MASTL: variants seen among roughly 807,000 people sequenced by gnomAD.
MASTL encodes the protein serine/threonine-protein kinase greatwall.
A neutral mutation model predicts 82.5 loss-of-function variants in MASTL; 54 were observed. That is an observed-to-expected ratio of 0.65 (90% CI 0.53 to 0.82). The LOEUF (loss-of-function observed/expected upper bound fraction) is 0.82. MASTL is among the 40% of genes least tolerant of loss of function. The pLI is 0.00. For missense variants in MASTL, 950 were observed against 1,047.8 expected (o/e 0.91, Z 1.29); for synonymous variants, 323 against 368.9 (o/e 0.88, Z 1.43).
Position 27,170,917 on chromosome 10 carries a change from T to C in MASTL, c.1958T>C (p.Val653Ala). 1.2e-6 allele frequency: 2 copies of C among 1,614,192 alleles called. No homozygotes were observed. Among genetic ancestry groups the C allele is most frequent in the South Asian group, 2.2e-5 (2 of 91,090 alleles). The change falls in exon 8 of 12, where the codon GTT becomes GCT. Residue 653 changes from valine (V) to alanine (A), a missense_variant. Transcript: ENST00000375940. ...LKTLASKRNA[V>A]AFRSFNSHIN... is the part of the protein sequence containing the mutation. ...ACGTTAGCCTCTAAAAGAAATGCTGTTGCTTTTCGAAGTTTTAACAGTCAT... is the reference window on the plus strand; with the variant it reads ...ACGTTAGCCTCTAAAAGAAATGCTGCTGCTTTTCGAAGTTTTAACAGTCAT...
rs1373731647 is a variant in MASTL, at chr10:27,187,634, C to T, written c.*1098C>T. On this transcript the variant is annotated 3_prime_UTR_variant, in exon 12 of 12. Transcript: ENST00000375940. ...AGGTATGGTGACGCACACCTGTAGT[C>T]CCAGCTACTTGGGAGGCTGAGGCAT... Among the ~76,000 whole-genome samples, 1 of 151,930 alleles carries T rather than the reference C, an allele frequency of 6.6e-6. No individual in the cohort carries two copies. Among genetic ancestry groups the T allele is most frequent in the Non-Finnish European group, 1.5e-5 (1 of 67,990 alleles).
chr10:27,173,219 A>G lies in MASTL; in HGVS notation c.2226A>G (p.Pro742=). The G allele has an allele frequency of 1.9e-6, 3 of 1,614,190 alleles. No individual in the cohort carries two copies. Among genetic ancestry groups the G allele is most frequent in the Non-Finnish European group, 2.5e-6 (3 of 1,180,034 alleles). ...PVDDGRILGT[P]DYLAPELLLG... ...ATGATGGGCGAATTCTAGGAACCCC[A>G]GACTACCTTGCACCTGAGCTGTTAC... The change falls in exon 9 of 12, where the codon CCA becomes CCG. Residue 742 remains proline (P), a synonymous_variant. Coordinates refer to ENST00000375940, the MANE Select transcript of MASTL (RefSeq NM_001172303.3).
rs947040196 is a variant in MASTL at position 27,171,006 on chromosome 10, A to G, written c.2047A>G (p.Ile683Val). The G allele has an allele frequency of 9.3e-6, 15 of 1,614,006 alleles. No homozygotes were observed. Among genetic ancestry groups the G allele is most frequent in the Middle Eastern group, 1.6e-4 (1 of 6,084 alleles). ...CATGACTTCTTTAGATGCAATGGAT[A>G]TTTCGTGTGCCTACAGTGGTTCATA... ...MNMTSLDAMD[I>V]SCAYSGSYPM... Residue 683 changes from isoleucine to valine, a missense_variant, in exon 8 of 12, where the codon ATT becomes GTT. Transcript: ENST00000375940.
At chr10:27,155,124 G>C (rs1255407463), upstream of MASTL, 3 of 394,918 alleles carry the variant, frequency 7.6e-6, no homozygotes, top group Non-Finnish European at 1.4e-5. Context: ...GCGATTCAGA[G>C]TCAAGTCCCA....
At chr10:27,174,382 A>G (rs1188972622) in intron 9 of MASTL, among the ~76,000 whole-genome samples, 1 of 152,056 alleles carries the variant, frequency 6.6e-6, no homozygotes, top group African/African-American at 2.4e-5. Context: ...AAATAAAAAG[A>G]TGACATTTTC....
chr10:27,160,757 A>G (rs1304550552), intron 3 of MASTL, among the ~76,000 whole-genome samples: 1 of 144,610 alleles, frequency 6.9e-6, no homozygotes, highest in African/African-American at 2.4e-5. Flanking sequence ...ATCTCAAAAA[A>G]AAAAAGAAAA....
At chr10:27,176,535 C>A (rs1435893118) in intron 9 of MASTL, among the ~76,000 whole-genome samples, 1 of 152,158 alleles carries the variant, frequency 6.6e-6, no homozygotes, top group Non-Finnish European at 1.5e-5. Flanking sequence ...GCCTTATGTT[C>A]CCATTCCATT....
chr10:27,178,286 C>T (rs1317096557), intron 9 of MASTL, among the ~76,000 whole-genome samples: 2 of 151,632 alleles, frequency 1.3e-5, no homozygotes, highest in African/African-American at 4.8e-5. Context: ...ATCCTAGCTA[C>T]TCAGGAGGCT....
At chr10:27,156,522 G>A (rs1432259930) in intron 1 of MASTL, among the ~76,000 whole-genome samples, 1 of 149,078 alleles carries the variant, frequency 6.7e-6, no homozygotes, top group Non-Finnish European at 1.5e-5. Flanking sequence ...TTTTTTTTAA[G>A]ACAGTCTTTC....
At chr10:27,162,011 A>G (rs868113349) in intron 4 of MASTL, among the ~76,000 whole-genome samples, 4 of 152,268 alleles carry the variant, frequency 2.6e-5, no homozygotes, top group East Asian at 1.9e-4. Flanking sequence ...AAATGCTAAT[A>G]TAAGAAAGAG....
At chr10:27,157,072 G>A (rs1377629251) in intron 1 of MASTL, among the ~76,000 whole-genome samples, 1 of 152,022 alleles carries the variant, frequency 6.6e-6, no homozygotes, top group Non-Finnish European at 1.5e-5. Context: ...CAAAGTGCTG[G>A]GATTACAGGG....
chr10:27,170,836 C>A lies in MASTL; in HGVS notation c.1877C>A (p.Pro626His). Residue 626 changes from proline to histidine, a missense_variant, in exon 8 of 12, where the codon CCT (proline) becomes CAT (histidine). Transcript: ENST00000375940. ...ACCTCACCAAAAGGTGTCGAGAACCCTGCTGTACAAGAGAGTAACCAAAAA... is the reference window on the plus strand; with the variant it reads ...ACCTCACCAAAAGGTGTCGAGAACCATGCTGTACAAGAGAGTAACCAAAAA... Reference protein sequence around the residue: ...EKTSPKGVENPAVQESNQKML... With the variant: ...EKTSPKGVENHAVQESNQKML... 2 of 1,614,136 alleles carry A rather than the reference C, an allele frequency of 1.2e-6. No homozygotes were observed. The highest frequency in any genetic ancestry group is 1.7e-6 in the Non-Finnish European group (2 of 1,180,022).
intron 8 of MASTL, among the ~76,000 whole-genome samples, chr10:27,171,832 T>TTTTTTA (rs1192259905): frequency 2.2e-5 from 3 of 135,684 alleles, no homozygotes; most frequent in South Asian, 4.8e-4. Context: ...TTTCTTTTTT[T>TTTTTTA]TTTTTTTTTT....
intron 1 of MASTL, among the ~76,000 whole-genome samples, chr10:27,157,702 AT>A (rs1179281737): frequency 6.6e-6 from 1 of 152,014 alleles, no homozygotes; most frequent in Non-Finnish European, 1.5e-5. Flanking sequence ...TTCTGTACAG[AT>A]TACCTTGAAA....
chr10:27,174,386 C>T (rs1588703207), intron 9 of MASTL, among the ~76,000 whole-genome samples: 1 of 151,870 alleles, frequency 6.6e-6, no homozygotes, highest in African/African-American at 2.4e-5. Flanking sequence ...AAAAAGATGA[C>T]ATTTTCACCT....
At position 27,171,134 on chromosome 10, in the gene MASTL, AAGAC is replaced by A. The variant is rs1332454668; in HGVS notation, c.2124+57_2124+60del. ...TTTTTTGGATTTTAGAAAAACTATG[AAGAC>A]AGACATTTGCCTCTAAGCTAGACTA... On this transcript the variant is annotated intron_variant, in intron 8 of 11. Transcript: ENST00000375940. 2.0e-6 allele frequency: 3 copies of A among 1,483,976 alleles called. 1 individual carries two copies. Among genetic ancestry groups the A allele is most frequent in the South Asian group, 2.3e-5 (2 of 88,208 alleles). The allele number at this position is 1,483,976 out of a possible 1,614,324, so 91.9% of individuals were successfully genotyped here.
intron 7 of MASTL, among the ~76,000 whole-genome samples, chr10:27,169,305 G>A (rs2057841056): frequency 6.6e-6 from 1 of 152,108 alleles, no homozygotes; most frequent in Non-Finnish European, 1.5e-5. Context: ...GCTTACACCT[G>A]TAATCCCAGC....
chr10:27,155,999 T>G (rs2057355991), intron 1 of MASTL, among the ~76,000 whole-genome samples: 1 of 151,744 alleles, frequency 6.6e-6, no homozygotes, highest in Admixed American at 6.6e-5. Context: ...TGGCTTGAGT[T>G]AGGTTTCTTT....
At chr10:27,185,918 C>T (rs962907801) in intron 11 of MASTL, among the ~76,000 whole-genome samples, 3 of 151,804 alleles carry the variant, frequency 2.0e-5, no homozygotes, top group Non-Finnish European at 2.9e-5. Flanking sequence ...GGCGAAACCC[C>T]GTCTCTACTA....
Sources: gnomAD v4.1 joint callset for allele counts (sites outside exome capture counted in the v4.1 genomes callset) on GRCh38, gnomAD v4.1.1 for gene constraint, MANE v1.5 for transcripts, NCBI Gene and HGNC (gene_info 2026-07-23, HGNC 2026-07-21) for gene names.